SMG9: variants seen among roughly 807,000 people sequenced by gnomAD.
SMG9 encodes the protein SMG9 nonsense mediated mRNA decay factor.
SMG9 carries 55 observed loss-of-function variants against 64.0 expected under a neutral mutation model. The ratio of observed to expected loss-of-function variants is 0.86; its 90% CI spans 0.69 to 1.08. SMG9 has a LOEUF of 1.08. Among genes scored for constraint, SMG9 ranks in the 50% least tolerant of loss-of-function variants. SMG9 has a pLI of 0.00. For synonymous variants in SMG9, 244 were observed against 254.8 expected (o/e 0.96, Z 0.41); for missense variants, 554 against 681.3 (o/e 0.81, Z 2.08).
chr19:43,738,194 T>G lies in SMG9; in HGVS notation c.837A>C (p.Leu279=), dbSNP rs763720944. 1.9e-6 allele frequency: 3 copies of G among 1,614,012 alleles called. No homozygotes were observed. The Admixed American group carries it at 5.0e-5, about 27-fold the overall frequency. The change falls in exon 8 of 14, where the codon CTA becomes CTC. Residue 279 remains leucine, a synonymous_variant. Coordinates refer to ENST00000270066, the MANE Select transcript of SMG9 (RefSeq NM_019108.4). ...TGCGGTCATTATTGATGAGATGGTC[T>G]AGGATAGAAGGGCTCAGGATGGGCT... The part of the protein sequence containing the change: ...DTQPILSPSI[L]DHLINNDRKL...
intron 2 of SMG9, 84 bp from the exon 3 acceptor site, chr19:43,748,136 G>GA (rs1969085593): frequency 2.1e-6 from 3 of 1,455,008 alleles, no homozygotes; most frequent in African/African-American, 1.4e-5. Flanking sequence ...TCTAAATGCC[G>GA]AAATATATTA....
Position 43,747,902 on chromosome 19 carries a change from G to A in SMG9, c.226-5C>T, listed in dbSNP as rs375169191. ...TGGAGGTGGTGGCTGTTTTGACTACGGAGGTAAAAAAAATCCCATCAATGG... is the reference window on the plus strand; with the variant it reads ...TGGAGGTGGTGGCTGTTTTGACTACAGAGGTAAAAAAAATCCCATCAATGG... On this transcript the variant is annotated splice_polypyrimidine_tract_variant and splice_region_variant and intron_variant, in intron 3 of 13. Coordinates refer to ENST00000270066, the MANE Select transcript of SMG9 (RefSeq NM_019108.4). 104 of 1,613,278 alleles carry A rather than the reference G, an allele frequency of 6.4e-5. No individual in the cohort carries two copies. The highest frequency in any genetic ancestry group is 1.7e-4 in the Admixed American group (10 of 59,832).
Position 43,734,337 on chromosome 19 carries a change from G to T in SMG9, c.1102+52C>A, listed in dbSNP as rs947020066. The T allele has an allele frequency of 2.1e-6, 3 of 1,416,084 alleles. No individual in the cohort carries two copies. The Admixed American group carries it at 5.9e-5, about 28-fold the overall frequency. The allele number at this position is 1,416,084 out of a possible 1,614,324, so 87.7% of individuals were successfully genotyped here. ...TTCTCCAGCGTGCTCCTGACTTTCA[G>T]CCCCTCATTTTTCCTCCTGCCCACC... On this transcript the variant is annotated intron_variant, in intron 10 of 13. Coordinates refer to ENST00000270066, the MANE Select transcript of SMG9 (RefSeq NM_019108.4).
In SMG9 at chr19:43,731,448, A is replaced by C. The variant is rs1600187190; in HGVS notation, c.*148T>G. 1 of 1,460,908 alleles carries C rather than the reference A, an allele frequency of 6.8e-7. No individual in the cohort carries two copies. Among genetic ancestry groups the C allele is most frequent in the African/African-American group, 1.4e-5 (1 of 70,298 alleles). 90.5% of individuals were successfully genotyped at this position (1,460,908 alleles called of 1,614,324 possible). A position where few individuals can be genotyped will look rare whatever the true frequency, so the allele number is the denominator to read the frequency against. On this transcript the variant is annotated 3_prime_UTR_variant, in exon 14 of 14. Coordinates refer to ENST00000270066, the MANE Select transcript of SMG9 (RefSeq NM_019108.4). ...GAGGGTGGGGGGCCTGGCCCTGGAC[A>C]CCTCATGTCTCTGGGCCGGGAAGCC...
At chr19:43,733,500 G>A (rs1194080273) in intron 11 of SMG9, 48 bp from the exon 12 acceptor site, 1 of 1,612,694 alleles carries the variant, frequency 6.2e-7, no homozygotes, top group Admixed American at 1.7e-5. Context: ...TGTGGGTTTG[G>A]GGAGTGGGAA....
intron 12 of SMG9, 56 bp from the exon 13 acceptor site, chr19:43,733,058 A>C: frequency 6.5e-7 from 1 of 1,546,398 alleles, no homozygotes; most frequent in East Asian, 2.3e-5. Flanking sequence ...TCTTTCTCCC[A>C]GTTAACAGCA....
intron 13 of SMG9, 191 bp downstream of exon 13, chr19:43,732,667 C>A (rs983182211): frequency 3.0e-6 from 2 of 662,774 alleles, no homozygotes; most frequent in African/African-American, 1.8e-5. Context: ...GATTCAAAGT[C>A]ACAGGAAACA....
chr19:43,732,752 T>C (rs1968522933), intron 13 of SMG9, 106 bp downstream of exon 13: 2 of 1,381,912 alleles, frequency 1.4e-6, no homozygotes, highest in African/African-American at 2.9e-5. Context: ...ACCTGGGATC[T>C]GGAGAGGAGG....
chr19:43,731,695 A>G (rs749705535), intron 13 of SMG9, 21 bp from the exon 14 acceptor site: 2 of 1,614,144 alleles, frequency 1.2e-6, no homozygotes, highest in Non-Finnish European at 1.7e-6. Context: ...GCCAACAGTC[A>G]GGGCTGCCTG....
chr19:43,740,001 A>T, intron 7 of SMG9, 106 bp downstream of exon 7: 1 of 841,462 alleles, frequency 1.2e-6, no homozygotes, highest in Non-Finnish European at 2.0e-6. Context: ...CCATGGCTTG[A>T]CTGGAAGCAC....
At chr19:43,750,307 C>T (rs1332651712) in intron 2 of SMG9, 30 of 607,950 alleles carry the variant, frequency 4.9e-5, no homozygotes, top group South Asian at 3.0e-4. Context: ...AGGGCCTCTG[C>T]GCTTGCTGTT....
rs780689711 is a variant in SMG9 at position 43,731,664 on chromosome 19, C to T, written c.1495G>A (p.Ala499Thr). Reference sequence around the variant, plus strand: ...CTCACCCCATCCCAGATCCGGGCAGCGTAGTGGAACCTGTGAGGAGGCCAA... The same window carrying T: ...CTCACCCCATCCCAGATCCGGGCAGTGTAGTGGAACCTGTGAGGAGGCCAA... The part of the protein sequence containing the change: ...ILTEKNWFHY[A>T]ARIWDGVRKS... The change falls in exon 14 of 14, where the codon GCT becomes ACT. Residue 499 changes from alanine to threonine, a missense_variant. Ala to Thr is a moderately conservative substitution (Grantham distance 58, BLOSUM62 0). Coordinates refer to ENST00000270066, the MANE Select transcript of SMG9 (RefSeq NM_019108.4). The T allele has an allele frequency of 5.6e-6, 9 of 1,614,116 alleles. No homozygotes were observed. The highest frequency in any genetic ancestry group is 5.5e-5 in the South Asian group (5 of 91,090).
At chr19:43,742,204 T>TA (rs1968866511) in intron 6 of SMG9, among the ~76,000 whole-genome samples, 2 of 152,092 alleles carry the variant, frequency 1.3e-5, no homozygotes, top group African/African-American at 4.8e-5. Context: ...TAGTCCTAGC[T>TA]ACTCAGAAGG....
At chr19:43,744,021 T>C (rs1291553548) in intron 6 of SMG9, among the ~76,000 whole-genome samples, 1 of 152,148 alleles carries the variant, frequency 6.6e-6, no homozygotes, top group Non-Finnish European at 1.5e-5. Flanking sequence ...TCTCCCCCAT[T>C]CCCAAATTCC....
At position 43,731,833 on chromosome 19, in the gene SMG9, C is replaced by T. The variant is rs180821957; in HGVS notation, c.1485-159G>A. On this transcript the variant is annotated intron_variant, in intron 13 of 13. Transcript: ENST00000270066. The stretch of plus-strand genomic sequence containing the variant: ...CCTCGACTGGGATACAGGGAGGATC[C>T]TAACAGTGATGGGAGGTGGCCCAAC... Among the ~76,000 whole-genome samples, 407 of 152,318 alleles carry T rather than the reference C, an allele frequency of 2.7e-3. 1 individual carries two copies. The highest frequency in any genetic ancestry group is 9.1e-3 in the African/African-American group (379 of 41,578).
chr19:43,733,686 G>A lies in SMG9; in HGVS notation c.1150C>T (p.Leu384=), dbSNP rs1248478611. 12 of 1,614,058 alleles carry A rather than the reference G, an allele frequency of 7.4e-6. No homozygotes were observed. The highest frequency in any genetic ancestry group is 1.0e-5 in the Non-Finnish European group (12 of 1,180,046). The change falls in exon 11 of 14, where the codon CTG becomes TTG. Residue 384 remains leucine, a synonymous_variant. Coordinates refer to ENST00000270066, the MANE Select transcript of SMG9 (RefSeq NM_019108.4). The stretch of plus-strand genomic sequence containing the variant: ...TCAATCATCAGGTGCATCTGCCGCA[G>A]CTTCCGAGGACAGAAGTCCTCTCGG... ...ARREDFCPRK[L]RQMHLMIDQL... is the part of the protein sequence containing the mutation.
chr19:43,744,712 T>G, intron 6 of SMG9, 60 bp downstream of exon 6: 1 of 1,307,884 alleles, frequency 7.6e-7, no homozygotes, highest in South Asian at 1.3e-5. Context: ...CAAGCCCACC[T>G]TGCCCCTGCT....
At chr19:43,749,411 T>G (rs1364790792) in intron 2 of SMG9, among the ~76,000 whole-genome samples, 1 of 152,152 alleles carries the variant, frequency 6.6e-6, no homozygotes, top group African/African-American at 2.4e-5. Flanking sequence ...CAGGGCTCAG[T>G]AGCACATTTA....
intron 9 of SMG9, among the ~76,000 whole-genome samples, chr19:43,736,961 T>G (rs1236287418): frequency 2.6e-5 from 4 of 152,146 alleles, no homozygotes; most frequent in African/African-American, 7.2e-5. Flanking sequence ...AGAACAGCCA[T>G]GAGGCCCTGT....
Sources: gnomAD v4.1 joint callset for allele counts (sites outside exome capture counted in the v4.1 genomes callset) on GRCh38, gnomAD v4.1.1 for gene constraint, MANE v1.5 for transcripts, NCBI Gene and HGNC (gene_info 2026-07-23, HGNC 2026-07-21) for gene names.